Variants in IPCEF1 observed in about 807,000 individuals in gnomAD.
IPCEF1 encodes interactor protein for cytohesin exchange factors 1.
A neutral mutation model predicts 50.9 loss-of-function variants in IPCEF1; 31 were observed. The ratio of observed to expected loss-of-function variants is 0.61; its 90% confidence interval spans 0.46 to 0.82. IPCEF1 has a LOEUF of 0.82. Among genes scored for constraint, IPCEF1 ranks in the 40% least tolerant of loss-of-function variants. The pLI, the probability that IPCEF1 is intolerant of heterozygous loss-of-function variation, is 0.00. For synonymous variants in IPCEF1, 181 were observed against 192.0 expected (o/e 0.94, Z 0.47); for missense variants, 458 against 514.0 (o/e 0.89, Z 1.05).
At chr6:154,230,377 A>G (rs1336315328) in intron 5 of IPCEF1, among the ~76,000 whole-genome samples, 1 of 152,196 alleles carries the variant, frequency 6.6e-6, no homozygotes, top group Non-Finnish European at 1.5e-5. Context: ...TGAGCCTAAA[A>G]CTGCTCTAAA....
Position 154,255,256 on chromosome 6 carries a change from T to G in IPCEF1, c.37-7768A>C, listed in dbSNP as rs959784551. 3.9e-5 allele frequency among the ~76,000 whole-genome samples: 6 copies of G among 152,166 alleles called. No homozygotes were observed. In the East Asian group the frequency reaches 5.8e-4, roughly 15 times the overall value. On this transcript the variant is annotated intron_variant, in intron 3 of 11. Transcript: ENST00000367220. ...TTAATGAGGATCCATAGGCAGTAAA[T>G]TCTCAGTCTCTGTGTGTATTGTAAT... is the stretch of plus-strand genomic sequence containing the variant.
intron 1 of IPCEF1, among the ~76,000 whole-genome samples, chr6:154,350,808 A>G (rs561529160): frequency 6.6e-6 from 1 of 152,108 alleles, no homozygotes; most frequent in South Asian, 2.1e-4. Flanking sequence ...GCAGCTTCAA[A>G]CTCCTATGCT....
chr6:154,163,710 A>G (rs1374028520), intron 11 of IPCEF1, among the ~76,000 whole-genome samples: 1 of 152,198 alleles, frequency 6.6e-6, no homozygotes, highest in Non-Finnish European at 1.5e-5. Flanking sequence ...AAATGAATAA[A>G]TGAATTACCA....
rs141753579 is a variant in IPCEF1, at chr6:154,233,054, C to T, written c.247-9811G>A. On this transcript the variant is annotated intron_variant, in intron 5 of 11. Coordinates refer to ENST00000367220, the MANE Select transcript of IPCEF1 (RefSeq NM_001130700.2). Reference sequence around the variant, plus strand: ...TGCAATCTCATCTCACTGCAACCTCCGCCTCCCGGGTTCAAGTGATTCTTC... The same window carrying T: ...TGCAATCTCATCTCACTGCAACCTCTGCCTCCCGGGTTCAAGTGATTCTTC... 2.6e-3 allele frequency among the ~76,000 whole-genome samples: 393 copies of T among 151,488 alleles called. 2 individuals carry two copies. The highest frequency in any genetic ancestry group is 9.1e-3 in the African/African-American group (376 of 41,300).
intron 1 of IPCEF1, among the ~76,000 whole-genome samples, chr6:154,302,471 T>C (rs1747329073): frequency 6.6e-6 from 1 of 152,198 alleles, no homozygotes; most frequent in Non-Finnish European, 1.5e-5. Flanking sequence ...TCCCAGCTTT[T>C]TCTTTTCTTC....
In IPCEF1 at chr6:154,268,766, T is replaced by G. The variant is rs575268358; in HGVS notation, c.-17-2802A>C. On this transcript the variant is annotated intron_variant, in intron 2 of 11. Coordinates refer to ENST00000367220, the MANE Select transcript of IPCEF1 (RefSeq NM_001130700.2). Reference sequence around the variant, plus strand: ...CCTTACTCATTGTCTTTTTTTTTTTTTAAGTCCTCAAACACATTTATTTCC... The same window carrying G: ...CCTTACTCATTGTCTTTTTTTTTTTGTAAGTCCTCAAACACATTTATTTCC... Among the ~76,000 whole-genome samples, 57 of 152,002 alleles carry G rather than the reference T, an allele frequency of 3.7e-4. No homozygotes were observed. In the South Asian group the frequency reaches 0.012, roughly 31 times the overall value.
chr6:154,264,767 T>A (rs907471054), intron 3 of IPCEF1, among the ~76,000 whole-genome samples: 1 of 152,186 alleles, frequency 6.6e-6, no homozygotes. Flanking sequence ...GTGTCTTCAT[T>A]GCCTTTTCAA....
rs1798816225 is a variant in IPCEF1, at chr6:154,158,850, T to C, written c.*978A>G. 6.6e-6 allele frequency: 1 copy of C among 152,236 alleles called. No individual in the cohort carries two copies. The highest frequency in any genetic ancestry group is 2.1e-4 in the South Asian group (1 of 4,836). 9.4% of individuals were successfully genotyped at this position (152,236 alleles called of 1,614,324 possible). ...ATTCACATAGCACACAAGTGACATA[T>C]AAACATACAAAAATAAATCCCTCAT... On this transcript the variant is annotated 3_prime_UTR_variant, in exon 12 of 12. Transcript: ENST00000367220.
At chr6:154,332,391 C>T (rs752522765) in intron 1 of IPCEF1, among the ~76,000 whole-genome samples, 3 of 151,542 alleles carry the variant, frequency 2.0e-5, no homozygotes, top group African/African-American at 2.4e-5. Context: ...CCACTGTACC[C>T]GGCCCATGTT....
chr6:154,241,234 CAAA>C (rs11308882), intron 5 of IPCEF1, among the ~76,000 whole-genome samples: 8 of 79,230 alleles, frequency 1.0e-4, no homozygotes, highest in Admixed American at 1.5e-4. Flanking sequence ...GACTCCATCT[CAAA>C]AAAAAAAAAA....
At chr6:154,244,803 C>T (rs545892025) in intron 5 of IPCEF1, among the ~76,000 whole-genome samples, 4 of 152,290 alleles carry the variant, frequency 2.6e-5, no homozygotes, top group South Asian at 2.1e-4. Flanking sequence ...ATTTGATTCC[C>T]GGAGAAGATG....
chr6:154,179,154 C>T (rs1300240048), intron 10 of IPCEF1, among the ~76,000 whole-genome samples: 1 of 152,070 alleles, frequency 6.6e-6, no homozygotes, highest in Non-Finnish European at 1.5e-5. Flanking sequence ...AGTAGGATCA[C>T]AGGACAAAAA....
intron 3 of IPCEF1, among the ~76,000 whole-genome samples, chr6:154,256,525 GTC>G (rs1256639289): frequency 6.6e-6 from 1 of 150,452 alleles, no homozygotes; most frequent in Non-Finnish European, 1.5e-5. Flanking sequence ...TTCTCTCTGT[GTC>G]TCTGTCTCCG....
At chr6:154,197,390 G>A (rs1776701887) in intron 10 of IPCEF1, among the ~76,000 whole-genome samples, 1 of 152,060 alleles carries the variant, frequency 6.6e-6, no homozygotes, top group Non-Finnish European at 1.5e-5. Flanking sequence ...CAGTTCTTCT[G>A]GGAATTTAAC....
In IPCEF1 at chr6:154,277,085, G is replaced by A. The variant is rs190751057; in HGVS notation, c.-17-11121C>T. On this transcript the variant is annotated intron_variant, in intron 2 of 11. Transcript: ENST00000367220. The stretch of plus-strand genomic sequence containing the variant: ...TGCATGCAGCTTGTTTGGGAATTGC[G>A]CATCCTAGGTGAGGCTTCATTCAGA... Among the ~76,000 whole-genome samples the A allele has an allele frequency of 2.6e-3, 403 of 152,266 alleles. 1 individual carries two copies. The highest frequency in any genetic ancestry group is 8.8e-3 in the African/African-American group (364 of 41,540).
chr6:154,164,729 G>A (rs1186002468), intron 11 of IPCEF1, among the ~76,000 whole-genome samples: 1 of 152,202 alleles, frequency 6.6e-6, no homozygotes, highest in African/African-American at 2.4e-5. Context: ...CACCGCTCTT[G>A]TGACATAGGT....
intron 1 of IPCEF1, among the ~76,000 whole-genome samples, chr6:154,303,812 A>G (rs1055177185): frequency 6.6e-6 from 1 of 152,176 alleles, no homozygotes; most frequent in Admixed American, 6.5e-5. Context: ...CCCTAATTAC[A>G]TGCGAGGCTG....
rs148314154 is a variant in IPCEF1, at chr6:154,189,332, T to C, written c.910+10336A>G. 1.5e-3 allele frequency among the ~76,000 whole-genome samples: 221 copies of C among 152,346 alleles called. 1 individual carries two copies. Among genetic ancestry groups the C allele is most frequent in the African/African-American group, 5.1e-3 (214 of 41,588 alleles). On this transcript the variant is annotated intron_variant, in intron 10 of 11. Coordinates refer to ENST00000367220, the MANE Select transcript of IPCEF1 (RefSeq NM_001130700.2). The stretch of plus-strand genomic sequence containing the variant: ...CAATTTATAAAGCAATTTCATCTAG[T>C]AAAGTTGAAGATAGGCATACATCAT...
intron 2 of IPCEF1, among the ~76,000 whole-genome samples, chr6:154,285,687 A>G (rs1488825508): frequency 6.6e-6 from 1 of 152,212 alleles, no homozygotes; most frequent in Non-Finnish European, 1.5e-5. Flanking sequence ...CACAAAAATT[A>G]TGAGCCTTCA....
Sources: allele counts gnomAD v4.1 joint callset (sites outside exome capture counted in the v4.1 genomes callset), GRCh38; gene constraint gnomAD v4.1.1; transcripts MANE v1.5; gene names NCBI Gene and HGNC (gene_info 2026-07-23, HGNC 2026-07-21).